MGA: variants seen among roughly 807,000 people sequenced by gnomAD.
The protein encoded by MGA is MAX dimerization protein MGA, also known as MAX gene-associated protein.
MGA carries 40 observed loss-of-function variants against 261.1 expected under a neutral mutation model. The observed-to-expected ratio is 0.15, with a 90% CI of 0.12 to 0.20. The LOEUF is 0.20. MGA is among the 10% of genes least tolerant of loss of function. The pLI, the probability that MGA is intolerant of heterozygous loss-of-function variation, is 1.00. For synonymous variants in MGA, 1,302 were observed against 1,290.6 expected (o/e 1.01, Z -0.19); for missense variants, 3,397 against 3,630.5 (o/e 0.94, Z 1.65).
chr15:41,637,599 G>A (rs530730412), intron 1 of MGA, among the ~76,000 whole-genome samples: 11 of 152,220 alleles, frequency 7.2e-5, no homozygotes, highest in Non-Finnish European at 1.5e-4. Flanking sequence ...TTATAGAGGG[G>A]CTATAAAGTT....
intron 2 of MGA, among the ~76,000 whole-genome samples, chr15:41,682,930 G>A (rs1039354898): frequency 2.6e-5 from 4 of 152,128 alleles, no homozygotes; most frequent in African/African-American, 9.7e-5. Flanking sequence ...AATTACTTAC[G>A]ATGAAAAGAG....
chr15:41,666,228 T>A (rs1475756525), intron 1 of MGA, among the ~76,000 whole-genome samples: 1 of 152,210 alleles, frequency 6.6e-6, no homozygotes, highest in Non-Finnish European at 1.5e-5. Flanking sequence ...AAAGGTTGTG[T>A]GTTCACAAGA....
chr15:41,639,010 C>G (rs2056768868), intron 1 of MGA, among the ~76,000 whole-genome samples: 1 of 151,908 alleles, frequency 6.6e-6, no homozygotes, highest in Non-Finnish European at 1.5e-5. Context: ...CACACCTGAC[C>G]TTTTTTTGAT....
rs574624833 is a variant in MGA, at chr15:41,716,741, C to T, written c.3430+3245C>T. ...ATAAACATAAATGTTTAAAAGTAGT[C>T]ACTTGTCACTGCAACACTGGGTATG... On this transcript the variant is annotated intron_variant, in intron 9 of 23. Transcript: ENST00000219905. Among the ~76,000 whole-genome samples, 66 of 152,136 alleles carry T rather than the reference C, an allele frequency of 4.3e-4. 1 individual carries two copies. Among genetic ancestry groups the T allele is most frequent in the Non-Finnish European group, 8.1e-4 (55 of 67,984 alleles).
Position 41,696,267 on chromosome 15 carries a change from T to G in MGA, c.1257T>G (p.Asp419Glu), listed in dbSNP as rs772407675. The G allele has an allele frequency of 1.2e-6, 2 of 1,613,894 alleles. No individual in the cohort carries two copies. The highest frequency in any genetic ancestry group is 3.3e-5 in the Admixed American group (2 of 60,020). The change falls in exon 3 of 24, where the codon GAT (aspartate) becomes GAG (glutamate). Residue 419 changes from aspartate to glutamate, a missense_variant. This residue lies in a region of MGA where 563 missense variants were observed against 563.6 expected (regional missense o/e 1.00). Coordinates refer to ENST00000219905, the MANE Select transcript of MGA (RefSeq NM_001164273.2). ...CGGATGTATACTCAAACAGTGATGA[T>G]GATCCTATACTAGAGAAACAGCTAA...
upstream of MGA, among the ~76,000 whole-genome samples, chr15:41,656,340 T>C (rs1187778678): frequency 7.3e-5 from 5 of 68,224 alleles, no homozygotes; most frequent in East Asian, 1.1e-3. Context: ...CTCCCTCTCC[T>C]CTCTTCTCTC....
At chr15:41,705,801 T>C (rs1449946805) in intron 5 of MGA, among the ~76,000 whole-genome samples, 2 of 152,236 alleles carry the variant, frequency 1.3e-5, no homozygotes, top group African/African-American at 4.8e-5. Context: ...GCCCAAGTCA[T>C]ACAATTAAAA....
intron 1 of MGA, among the ~76,000 whole-genome samples, chr15:41,665,825 T>C (rs1234165622): frequency 6.6e-6 from 1 of 152,244 alleles, no homozygotes; most frequent in African/African-American, 2.4e-5. Context: ...TCTCTAGATT[T>C]GCCTGTGTTG....
At chr15:41,663,177 C>A (rs1368529932) in intron 1 of MGA, among the ~76,000 whole-genome samples, 1 of 152,040 alleles carries the variant, frequency 6.6e-6, no homozygotes, top group Non-Finnish European at 1.5e-5. Flanking sequence ...AGATTACTTA[C>A]CTAAAAAATG....
chr15:41,623,055 A>G (rs1312890395), intron 1 of MGA, among the ~76,000 whole-genome samples: 1 of 152,220 alleles, frequency 6.6e-6, no homozygotes, highest in African/African-American at 2.4e-5. Context: ...CTCATAACAA[A>G]CCTACGAGGT....
chr15:41,683,911 C>CT (rs903774906), intron 2 of MGA, among the ~76,000 whole-genome samples: 4 of 151,556 alleles, frequency 2.6e-5, no homozygotes, highest in Admixed American at 6.6e-5. Flanking sequence ...TTTCCCTTTC[C>CT]TTTTTTTAAA....
At chr15:41,713,862 G>A (rs1389979720) in intron 9 of MGA, among the ~76,000 whole-genome samples, 1 of 152,056 alleles carries the variant, frequency 6.6e-6, no homozygotes, top group Non-Finnish European at 1.5e-5. Flanking sequence ...TCCATATAAT[G>A]CATCATGTTT....
At chr15:41,639,566 A>G (rs2056780736) in intron 1 of MGA, among the ~76,000 whole-genome samples, 1 of 149,534 alleles carries the variant, frequency 6.7e-6, no homozygotes, top group Non-Finnish European at 1.5e-5. Flanking sequence ...ATTTTTTTAG[A>G]TGGAGTCTCG....
intron 1 of MGA, among the ~76,000 whole-genome samples, chr15:41,622,090 G>A (rs973555518): frequency 1.3e-5 from 2 of 152,136 alleles, no homozygotes; most frequent in African/African-American, 4.8e-5. Flanking sequence ...GCCGGCCTGT[G>A]GTTTTCCAGC....
intron 8 of MGA, among the ~76,000 whole-genome samples, chr15:41,711,785 T>A (rs931671532): frequency 2.0e-5 from 3 of 152,048 alleles, no homozygotes; most frequent in African/African-American, 7.2e-5. Context: ...AACCTCCGCC[T>A]CCTGGGTTCA....
At chr15:41,674,665 G>T (rs936975127) in intron 2 of MGA, among the ~76,000 whole-genome samples, 1 of 151,968 alleles carries the variant, frequency 6.6e-6, no homozygotes, top group Non-Finnish European at 1.5e-5. Context: ...GACTATAGAC[G>T]CATGCCACCA....
intron 5 of MGA, among the ~76,000 whole-genome samples, chr15:41,704,463 T>C (rs1362437056): frequency 1.3e-5 from 2 of 152,136 alleles, no homozygotes; most frequent in Non-Finnish European, 2.9e-5. Flanking sequence ...ATCGAGACCA[T>C]CCTGGTAACA....
intron 12 of MGA, among the ~76,000 whole-genome samples, chr15:41,735,177 C>T (rs1212657932): frequency 1.3e-5 from 2 of 152,270 alleles, no homozygotes; most frequent in South Asian, 2.1e-4. Context: ...GAGGAGGCTA[C>T]TAGGGTGGAG....
rs146211139 is a variant in MGA at position 41,728,224 on chromosome 15, G to A, written c.3657+818G>A. 4.9e-3 allele frequency among the ~76,000 whole-genome samples: 744 copies of A among 152,216 alleles called. 5 individuals carry two copies. The highest frequency in any genetic ancestry group is 0.017 in the African/African-American group (706 of 41,538). On this transcript the variant is annotated intron_variant, in intron 10 of 23. Coordinates refer to ENST00000219905, the MANE Select transcript of MGA (RefSeq NM_001164273.2). ...CTCATGCCTATAATCCCAGCTACTC[G>A]GTAGGCTGAGGCAGGAGAATCACTT...
Sources: gnomAD v4.1 joint callset for allele counts (sites outside exome capture counted in the v4.1 genomes callset) on GRCh38, gnomAD v4.1.1 for gene constraint, gnomAD v4.1.1 regional missense constraint, MANE v1.5 for transcripts, NCBI Gene and HGNC (gene_info 2026-07-23, HGNC 2026-07-21) for gene names.